The following COL24A1 variants were observed in gnomAD, a reference collection of about 807,000 sequenced individuals.
COL24A1 encodes the protein collagen type XXIV alpha 1 chain.
In COL24A1, 224 loss-of-function variants were observed where a neutral mutation model predicts 253.9. That is an observed-to-expected ratio of 0.88 (90% confidence interval 0.79 to 0.99). The LOEUF is 0.99. Among genes scored for constraint, COL24A1 ranks in the 50% least tolerant of loss-of-function variants. The pLI, the probability that COL24A1 is intolerant of heterozygous loss-of-function variation, is 0.00. For synonymous variants in COL24A1, 685 were observed against 673.7 expected (o/e 1.02, Z -0.26); for missense variants, 2,131 against 2,068.5 (o/e 1.03, Z -0.59).
chr1:85,971,215 T>C, intron 21 of COL24A1, 125 bp downstream of exon 21: 4 of 744,684 alleles, frequency 5.4e-6, no homozygotes, highest in Non-Finnish European at 9.1e-6. Context: ...TCTAAATATA[T>C]AAATAAAATG....
chr1:85,951,686 C>T (rs1689949216), intron 24 of COL24A1, among the ~76,000 whole-genome samples: 1 of 152,030 alleles, frequency 6.6e-6, no homozygotes, highest in South Asian at 2.1e-4. Context: ...TGTCCCATTC[C>T]CCTAGCATTT....
chr1:85,937,949 G>A (rs1363066225), intron 24 of COL24A1, among the ~76,000 whole-genome samples: 1 of 147,392 alleles, frequency 6.8e-6, no homozygotes, highest in African/African-American at 2.5e-5. Context: ...GTCAGAGCAG[G>A]GGACTCATTT....
chr1:86,067,643 T>C (rs1701589733), intron 7 of COL24A1, among the ~76,000 whole-genome samples: 1 of 152,212 alleles, frequency 6.6e-6, no homozygotes, highest in South Asian at 2.1e-4. Flanking sequence ...TTCCTTTTTG[T>C]TATTTTAAAA....
At chr1:85,967,582 T>C (rs544955441) in intron 22 of COL24A1, among the ~76,000 whole-genome samples, 4 of 152,174 alleles carry the variant, frequency 2.6e-5, no homozygotes, top group African/African-American at 9.6e-5. Context: ...AAGTAAAGGG[T>C]ATGACTGTAG....
chr1:85,731,619 A>G (rs1343019139), intron 59 of COL24A1, among the ~76,000 whole-genome samples: 2 of 152,204 alleles, frequency 1.3e-5, no homozygotes, highest in Non-Finnish European at 2.9e-5. Flanking sequence ...AATAAGATGT[A>G]ACACTTAGTG....
chr1:86,129,544 T>C (rs1648836036), intron 2 of COL24A1, among the ~76,000 whole-genome samples: 1 of 151,824 alleles, frequency 6.6e-6, no homozygotes, highest in Admixed American at 6.6e-5. Context: ...ATTTAAGTTA[T>C]ACATTTTCCT....
intron 24 of COL24A1, among the ~76,000 whole-genome samples, chr1:85,928,529 C>T (rs1285257972): frequency 2.0e-5 from 1 of 50,866 alleles, no homozygotes; most frequent in South Asian, 7.9e-4. Context: ...TCCAGGAGAA[C>T]GTCCCCAATC....
chr1:85,770,646 T>C (rs566658195), intron 53 of COL24A1, among the ~76,000 whole-genome samples: 2 of 152,320 alleles, frequency 1.3e-5, no homozygotes, highest in East Asian at 3.9e-4. Context: ...TATAACATCA[T>C]GTTAAATCTA....
chr1:86,087,119 C>T (rs1703117184), intron 7 of COL24A1, among the ~76,000 whole-genome samples: 4 of 152,150 alleles, frequency 2.6e-5, no homozygotes, highest in Admixed American at 2.0e-4. Context: ...AGATCCCTGA[C>T]TTCTATCAGG....
chr1:85,811,959 A>G (rs1034141591), intron 47 of COL24A1, among the ~76,000 whole-genome samples: 4 of 152,332 alleles, frequency 2.6e-5, no homozygotes, highest in South Asian at 4.1e-4. Context: ...ATCTCCCATA[A>G]GAGAAACCCT....
In COL24A1 at chr1:85,936,952, T is replaced by C. The variant is rs945928874; in HGVS notation, c.2562+24297A>G. Among the ~76,000 whole-genome samples, 28 of 147,134 alleles carry C rather than the reference T, an allele frequency of 1.9e-4. 1 individual carries two copies. Among genetic ancestry groups the C allele is most frequent in the African/African-American group, 5.5e-4 (22 of 40,056 alleles). On this transcript the variant is annotated intron_variant, in intron 24 of 59. Transcript: ENST00000370571. ...TGAATCTCCTATAAGCTGAGTTCCA[T>C]CAGATTCATCAAGTCATAAGGCCAA...
At chr1:85,843,930 TG>T (rs2102274142) in intron 39 of COL24A1, among the ~76,000 whole-genome samples, 1 of 152,054 alleles carries the variant, frequency 6.6e-6, no homozygotes, top group East Asian at 1.9e-4. Flanking sequence ...ATGCAAAATA[TG>T]TAACCTCCCA....
chr1:85,847,718 C>T lies in COL24A1; in HGVS notation c.3409G>A (p.Gly1137Arg). Residue 1137 changes from glycine (G) to arginine (R), a missense_variant, in exon 39 of 60, where the codon GGA becomes AGA. Transcript: ENST00000370571. ...TGEVGSRGPP[G>R]KIGKSGPKGA... is the part of the protein sequence containing the mutation. ...TTAGGACCACTTTTCCCAATTTTTC[C>T]AGGAGGACCTCTGCTTCCAACTTCT... The T allele has an allele frequency of 6.2e-7, 1 of 1,613,824 alleles. No homozygotes were observed. Among genetic ancestry groups the T allele is most frequent in the Non-Finnish European group, 8.5e-7 (1 of 1,179,848 alleles).
At chr1:85,943,311 T>C (rs1688932501) in intron 24 of COL24A1, among the ~76,000 whole-genome samples, 1 of 152,198 alleles carries the variant, frequency 6.6e-6, no homozygotes, top group Non-Finnish European at 1.5e-5. Context: ...GGTCTCCAGT[T>C]TGCAGATGGC....
rs114167537 is a variant in COL24A1, at chr1:85,762,750, A to T, written c.4375-1184T>A. 1.7e-3 allele frequency among the ~76,000 whole-genome samples: 257 copies of T among 152,320 alleles called. 3 individuals are homozygous for T. The highest frequency in any genetic ancestry group is 6.0e-3 in the African/African-American group (248 of 41,574). On this transcript the variant is annotated intron_variant, in intron 53 of 59. Coordinates refer to ENST00000370571, the MANE Select transcript of COL24A1 (RefSeq NM_152890.7). Reference sequence around the variant, plus strand: ...CAATGTAAAAATAATAAACAGTTGCAATAGTCCATTCCACTTAGCAAGTTT... The same window carrying T: ...CAATGTAAAAATAATAAACAGTTGCTATAGTCCATTCCACTTAGCAAGTTT...
chr1:85,906,916 A>G (rs1684892476), intron 28 of COL24A1, among the ~76,000 whole-genome samples: 1 of 151,898 alleles, frequency 6.6e-6, no homozygotes, highest in Non-Finnish European at 1.5e-5. Context: ...TCTCTCAAAG[A>G]ATGGAATTGG....
chr1:86,145,079 A>T (rs1651692745), intron 2 of COL24A1, among the ~76,000 whole-genome samples: 1 of 152,140 alleles, frequency 6.6e-6, no homozygotes, highest in South Asian at 2.1e-4. Flanking sequence ...ATTTTAATTC[A>T]TCTATGTGAT....
At chr1:86,018,544 A>G (rs1450033386) in intron 18 of COL24A1, among the ~76,000 whole-genome samples, 3 of 152,334 alleles carry the variant, frequency 2.0e-5, no homozygotes, top group Admixed American at 2.0e-4. Context: ...AGTGAGGATA[A>G]AATAGCAATA....
At chr1:85,987,759 T>A (rs1693854202) in intron 19 of COL24A1, 105 bp from the exon 20 acceptor site, 5 of 888,892 alleles carry the variant, frequency 5.6e-6, no homozygotes, top group Non-Finnish European at 8.6e-6. Flanking sequence ...TTAAAGCAAT[T>A]TATAATCCTC....
Sources: gnomAD v4.1 joint callset for allele counts (sites outside exome capture counted in the v4.1 genomes callset) on GRCh38, gnomAD v4.1.1 for gene constraint, MANE v1.5 for transcripts, NCBI Gene and HGNC (gene_info 2026-07-23, HGNC 2026-07-21) for gene names.